NEXMIF: variants seen among roughly 807,000 people sequenced by gnomAD.
NEXMIF encodes the protein neurite extension and migration factor, also known as XLMR protein related to neurite extension.
In NEXMIF, 8 loss-of-function variants were observed where a neutral mutation model predicts 62.1. The ratio of observed to expected loss-of-function variants is 0.13; its 90% CI spans 0.08 to 0.23. The LOEUF is 0.23. Ranked by LOEUF, NEXMIF falls within the 10% of genes least tolerant of loss-of-function variation. The pLI is 1.00. For synonymous variants in NEXMIF, 404 were observed against 416.6 expected (o/e 0.97, Z 0.37); for missense variants, 976 against 1,113.3 (o/e 0.88, Z 1.75).
intron 1 of NEXMIF, among the ~76,000 whole-genome samples, chrX:74,886,809 C>T (rs2080695798): frequency 9.5e-6 from 1 of 105,597 alleles, no homozygotes; most frequent in Admixed American, 9.9e-5. Flanking sequence ...CTTTAAAGTT[C>T]ATATGGAACC....
intron 1 of NEXMIF, among the ~76,000 whole-genome samples, chrX:74,830,349 G>A (rs1431454552): frequency 9.0e-6 from 1 of 111,265 alleles, no homozygotes; most frequent in Non-Finnish European, 1.9e-5. Flanking sequence ...TGTCGAACAC[G>A]AGCTCATCAT....
At chrX:74,758,302 T>C (rs1257015141) in intron 1 of NEXMIF, among the ~76,000 whole-genome samples, 1 of 111,640 alleles carries the variant, frequency 9.0e-6, no homozygotes, top group Non-Finnish European at 1.9e-5. Context: ...GTCATTAAGA[T>C]GGCAGGAACA....
chrX:74,815,602 G>A (rs1419556296), intron 1 of NEXMIF, among the ~76,000 whole-genome samples: 19 of 108,638 alleles, frequency 1.7e-4, no homozygotes, highest in Admixed American at 1.7e-3. Context: ...TTCATGATCT[G>A]ACCCTAGTAT....
At chrX:74,760,411 G>C (rs1387402302) in intron 1 of NEXMIF, among the ~76,000 whole-genome samples, 1 of 111,618 alleles carries the variant, frequency 9.0e-6, no homozygotes. Flanking sequence ...ACTCTGGCCA[G>C]AACTTCTAAT....
intron 1 of NEXMIF, among the ~76,000 whole-genome samples, chrX:74,851,217 G>A (rs2080512261): frequency 9.0e-6 from 1 of 110,869 alleles, no homozygotes; most frequent in African/African-American, 3.3e-5. Context: ...AAACCTACAT[G>A]ACATAAAGGA....
chrX:74,880,113 C>A, intron 1 of NEXMIF, among the ~76,000 whole-genome samples: 1 of 112,139 alleles, frequency 8.9e-6, no homozygotes. Flanking sequence ...AACTTAAATG[C>A]ATCTATTTCC....
At chrX:74,836,446 C>CT (rs1267718611) in intron 1 of NEXMIF, among the ~76,000 whole-genome samples, 1 of 112,273 alleles carries the variant, frequency 8.9e-6, no homozygotes, top group East Asian at 2.8e-4. Context: ...CCACAGCATA[C>CT]TACTAGGGTA....
At chrX:74,784,062 G>GT (rs758836894) in intron 1 of NEXMIF, among the ~76,000 whole-genome samples, 114 of 111,736 alleles carry the variant, frequency 1.0e-3, no homozygotes, top group Middle Eastern at 4.6e-3. Flanking sequence ...ATCTAGTGCA[G>GT]TATTTAGCTC....
rs2080077861 is a variant in NEXMIF, at chrX:74,733,501, G to C, written c.*5904C>G. 8.9e-6 allele frequency: 1 copy of C among 111,984 alleles called. No individual in the cohort carries two copies. Among genetic ancestry groups the C allele is most frequent in the Non-Finnish European group, 1.9e-5 (1 of 53,151 alleles). The allele number at this position is 111,984 out of a possible 1,213,427, so 9.2% of individuals were successfully genotyped here. On this transcript the variant is annotated 3_prime_UTR_variant, in exon 4 of 4. Transcript: ENST00000055682. Reference sequence around the variant, plus strand: ...GAGAAACACTGCTCTAGATGATAAAGAACGTTTTATTTGGGACATAGATTT... The same window carrying C: ...GAGAAACACTGCTCTAGATGATAAACAACGTTTTATTTGGGACATAGATTT...
In NEXMIF at chrX:74,815,696, G is replaced by A. The variant is rs913810824; in HGVS notation, c.-47-69999C>T. Among the ~76,000 whole-genome samples, 139 of 104,399 alleles carry A rather than the reference G, an allele frequency of 1.3e-3. 1 individual carries two copies. The highest frequency in any genetic ancestry group is 5.9e-4 in the Non-Finnish European group (30 of 51,173). The allele number at this position is 104,399 out of a possible 115,157, so 90.7% of individuals were successfully genotyped here. On this transcript the variant is annotated intron_variant, in intron 1 of 3. Coordinates refer to ENST00000055682, the MANE Select transcript of NEXMIF (RefSeq NM_001008537.3). ...GTCTCCCAGGCTGGAGTGCAGTGGCGCGATCTCGGCTCACTGCAAGCTCCG... is the reference window on the plus strand; with the variant it reads ...GTCTCCCAGGCTGGAGTGCAGTGGCACGATCTCGGCTCACTGCAAGCTCCG...
At chrX:74,757,476 G>A (rs2080162917) in intron 1 of NEXMIF, among the ~76,000 whole-genome samples, 1 of 111,860 alleles carries the variant, frequency 8.9e-6, no homozygotes, top group African/African-American at 3.2e-5. Context: ...TCTTTCTTAG[G>A]TAACCATTCT....
intron 1 of NEXMIF, among the ~76,000 whole-genome samples, chrX:74,786,266 T>C (rs746832169): frequency 9.8e-5 from 11 of 112,031 alleles, no homozygotes; most frequent in Non-Finnish European, 1.3e-4. Flanking sequence ...TTCATAGATT[T>C]ATATCACACA....
chrX:74,880,844 C>G (rs765009901), intron 1 of NEXMIF, among the ~76,000 whole-genome samples: 1 of 112,073 alleles, frequency 8.9e-6, no homozygotes, highest in South Asian at 3.7e-4. Flanking sequence ...ATACACTGCT[C>G]TCTCCTTAGA....
chrX:74,843,693 C>T (rs977107565), intron 1 of NEXMIF, among the ~76,000 whole-genome samples: 2 of 112,067 alleles, frequency 1.8e-5, no homozygotes, highest in South Asian at 3.7e-4. Flanking sequence ...GGATTACAGG[C>T]GTGAGCCACC....
At chrX:74,801,670 G>T (rs145553447) in intron 1 of NEXMIF, among the ~76,000 whole-genome samples, 2,532 of 112,120 alleles carry the variant, frequency 0.023, 74 homozygotes, top group African/African-American at 0.079. Flanking sequence ...TCCTGCCTGA[G>T]AAAAGCAAAG....
intron 1 of NEXMIF, among the ~76,000 whole-genome samples, chrX:74,895,029 T>A (rs765318030): frequency 8.9e-6 from 1 of 112,108 alleles, no homozygotes; most frequent in East Asian, 2.8e-4. Flanking sequence ...AAGGAAGAAG[T>A]CAAATTATCC....
intron 1 of NEXMIF, among the ~76,000 whole-genome samples, chrX:74,918,930 T>A (rs1028964306): frequency 4.4e-5 from 5 of 112,387 alleles, no homozygotes; most frequent in African/African-American, 1.6e-4. Flanking sequence ...GTGTCCATTA[T>A]GGAAAAGGCA....
intron 1 of NEXMIF, among the ~76,000 whole-genome samples, chrX:74,753,305 C>A (rs994825143): frequency 2.7e-5 from 3 of 111,918 alleles, no homozygotes; most frequent in African/African-American, 9.7e-5. Context: ...CCAAACTCCC[C>A]ATTTTACAAG....
chrX:74,884,791 C>A (rs968773513), intron 1 of NEXMIF, among the ~76,000 whole-genome samples: 2 of 111,476 alleles, frequency 1.8e-5, no homozygotes, highest in East Asian at 2.8e-4. Flanking sequence ...CTGCACCAAG[C>A]GGGCCTAATA....
Sources: allele counts gnomAD v4.1 joint callset (sites outside exome capture counted in the v4.1 genomes callset), GRCh38; gene constraint gnomAD v4.1.1; transcripts MANE v1.5; gene names NCBI Gene and HGNC (gene_info 2026-07-23, HGNC 2026-07-21).